The following SYPL1 variants were observed in gnomAD, a reference collection of about 807,000 sequenced individuals.
The protein encoded by SYPL1 is synaptophysin like 1, also known as synaptophysin-like protein 1.
A neutral mutation model predicts 23.7 loss-of-function variants in SYPL1; 6 were observed. That is an observed-to-expected ratio of 0.25 (90% CI 0.14 to 0.50). The LOEUF (loss-of-function observed/expected upper bound fraction) is 0.50, where lower values mean the gene tolerates loss of function less well. SYPL1 is among the 20% of genes least tolerant of loss of function. The pLI, the probability that SYPL1 is intolerant of heterozygous loss-of-function variation, is 0.98. For synonymous variants in SYPL1, 102 were observed against 104.5 expected (o/e 0.98, Z 0.15); for missense variants, 253 against 288.9 (o/e 0.88, Z 0.90).
rs1283644161 is a variant in SYPL1 at position 106,095,435 on chromosome 7, C to T, written c.402+2255G>A. Among the ~76,000 whole-genome samples, 1 of 151,882 alleles carries T rather than the reference C, an allele frequency of 6.6e-6. No individual in the cohort carries two copies. Among genetic ancestry groups the T allele is most frequent in the Non-Finnish European group, 1.5e-5 (1 of 67,980 alleles). Reference sequence around the variant, plus strand: ...TGTGATCTTGGCTCACTGTAACCTCCACCTCCTGGGTTCAAGCGATTCTCC... The same window carrying T: ...TGTGATCTTGGCTCACTGTAACCTCTACCTCCTGGGTTCAAGCGATTCTCC... On this transcript the variant is annotated intron_variant, in intron 3 of 4. Transcript: ENST00000455385. This position sits in a 1 kb window ranked among gnomAD's most constrained non-coding sequence, Gnocchi z 4.3.
intron 1 of SYPL1, among the ~76,000 whole-genome samples, chr7:106,105,947 T>C (rs903215867): frequency 6.6e-6 from 1 of 152,150 alleles, no homozygotes; most frequent in African/African-American, 2.4e-5. Context: ...TTCAAAGAAA[T>C]AGATTGGTAA....
Position 106,100,592 on chromosome 7 carries a change from A to G in SYPL1, c.70-1310T>C, listed in dbSNP as rs1429065802. Among the ~76,000 whole-genome samples, 1 of 152,222 alleles carries G rather than the reference A, an allele frequency of 6.6e-6. No individual in the cohort carries two copies. The highest frequency in any genetic ancestry group is 1.5e-5 in the Non-Finnish European group (1 of 68,042). On this transcript the variant is annotated intron_variant, in intron 1 of 4. Transcript: ENST00000455385. This position sits in a 1 kb window ranked among gnomAD's most constrained non-coding sequence, Gnocchi z 5.1. ...TGCGCTGTTAAAGTCCAGGAGCTCA[A>G]TCTTTCAGCAAGTGGTGATGGCTCT...
At chr7:106,102,096 CT>C (rs564357480) in intron 1 of SYPL1, among the ~76,000 whole-genome samples, 117 of 146,878 alleles carry the variant, frequency 8.0e-4, no homozygotes, top group Middle Eastern at 7.0e-3. Flanking sequence ...AAGATTACAA[CT>C]TTTTTTTTTT....
Position 106,112,270 on chromosome 7 carries a change from C to G in SYPL1, c.-62G>C, listed in dbSNP as rs2116236632. ...GGGGCGGAGGAGGGGACCGACGAGA[C>G]CAGAGCAGCCCGGTGGCGAGGAAGG... On this transcript the variant is annotated 5_prime_UTR_variant, in exon 1 of 5. Transcript: ENST00000455385. 1 of 1,454,416 alleles carries G rather than the reference C, an allele frequency of 6.9e-7. No homozygotes were observed. Among genetic ancestry groups the G allele is most frequent in the Non-Finnish European group, 9.2e-7 (1 of 1,087,922 alleles). The allele number at this position is 1,454,416 out of a possible 1,614,324, so 90.1% of individuals were successfully genotyped here.
chr7:106,097,853 CAT>C lies in SYPL1; in HGVS notation c.237_238del (p.Ile79MetfsTer2). On this transcript the variant is annotated frameshift_variant, in exon 3 of 5. Transcript: ENST00000455385. LOFTEE classifies it high-confidence loss of function. This position sits in a 1 kb window ranked among gnomAD's most constrained non-coding sequence, Gnocchi z 4.6. ...GACGTAATCTTTCCAATTTACATCA[CAT>C]ATGTTTACACCTGGAGGTGGCTGAA... The C allele has an allele frequency of 6.2e-7, 1 of 1,613,838 alleles. No individual in the cohort carries two copies.
chr7:106,091,462 G>T lies in SYPL1; in HGVS notation c.*343C>A. 5.4e-6 allele frequency: 1 copy of T among 186,616 alleles called. No homozygotes were observed. The highest frequency in any genetic ancestry group is 1.1e-5 in the Non-Finnish European group (1 of 89,200). 11.6% of individuals were successfully genotyped at this position (186,616 alleles called of 1,614,324 possible). A position where few individuals can be genotyped will look rare whatever the true frequency, so the allele number is the denominator to read the frequency against. ...AAATAAAGGTTTTTCTTCCTACTAT[G>T]GTATGACAATATAACTGTTTTCTGA... On this transcript the variant is annotated 3_prime_UTR_variant, in exon 5 of 5. Transcript: ENST00000455385. This position sits in a 1 kb window ranked among gnomAD's most constrained non-coding sequence, Gnocchi z 5.0.
At chr7:106,093,160 TTAA>T in intron 3 of SYPL1, 23 bp from the exon 4 acceptor site, 1 of 1,548,506 alleles carries the variant, frequency 6.5e-7, no homozygotes, top group South Asian at 1.2e-5. Context: ...TCAGTAAGAG[TTAA>T]TAATGAACAG....
rs1330417108 is a variant in SYPL1 at position 106,090,795 on chromosome 7, CATTT to C, written c.*1006_*1009del. 1.3e-5 allele frequency: 2 copies of C among 152,238 alleles called. No individual in the cohort carries two copies. Among genetic ancestry groups the C allele is most frequent in the East Asian group, 1.9e-4 (1 of 5,202 alleles). The allele number at this position is 152,238 out of a possible 1,614,324, so 9.4% of individuals were successfully genotyped here. ...TATGATGCATAATTCCTTAATCATT[CATTT>C]GTGAAACAAGAATGAATATTAAGAA... On this transcript the variant is annotated 3_prime_UTR_variant, in exon 5 of 5. Transcript: ENST00000455385.
At chr7:106,111,821 C>T in intron 1 of SYPL1, 1 of 171,196 alleles carries the variant, frequency 5.8e-6, no homozygotes. Context: ...CCTTCCTCTG[C>T]GGGAGGCAGT....
At chr7:106,099,614 G>A (rs996315220) in intron 1 of SYPL1, among the ~76,000 whole-genome samples, 1 of 152,038 alleles carries the variant, frequency 6.6e-6, no homozygotes, top group African/African-American at 2.4e-5. Flanking sequence ...GATTGGGCTT[G>A]AACTCCTGAA....
intron 3 of SYPL1, among the ~76,000 whole-genome samples, chr7:106,093,770 G>A (rs1031467270): frequency 9.4e-6 from 1 of 105,968 alleles, no homozygotes; most frequent in African/African-American, 2.6e-5. Flanking sequence ...TAATAAAATG[G>A]TGAAAAGCAC....
intron 1 of SYPL1, among the ~76,000 whole-genome samples, chr7:106,105,900 C>T (rs1840569848): frequency 6.6e-6 from 1 of 152,158 alleles, no homozygotes; most frequent in Non-Finnish European, 1.5e-5. Flanking sequence ...TTAACCAAAT[C>T]AACCTTCACA....
chr7:106,106,799 T>C (rs968903150), intron 1 of SYPL1, among the ~76,000 whole-genome samples: 1 of 152,094 alleles, frequency 6.6e-6, no homozygotes, highest in Non-Finnish European at 1.5e-5. Context: ...TTAGTTGTGA[T>C]CGTGCCACTG....
intron 1 of SYPL1, among the ~76,000 whole-genome samples, chr7:106,106,684 A>G (rs986574428): frequency 6.6e-5 from 10 of 151,946 alleles, no homozygotes; most frequent in Admixed American, 3.9e-4. Context: ...GTCTCTATAA[A>G]AAATTATAGA....
chr7:106,105,611 C>A (rs1295169973), intron 1 of SYPL1, among the ~76,000 whole-genome samples: 1 of 151,260 alleles, frequency 6.6e-6, no homozygotes, highest in Non-Finnish European at 1.5e-5. Context: ...CCAAAGTAGA[C>A]TGGAGTACCA....
chr7:106,097,791 CAT>C lies in SYPL1; in HGVS notation c.299_300del (p.Tyr100CysfsTer28), dbSNP rs746813430. ...AGGAACACAAAGACTGCAAAGGTAA[CAT>C]AGAATTGTGCAGAAGAAGAGTAATC... ...IGDYSSSAQF[Y>X]VTFAVFVFLY... On this transcript the variant is annotated frameshift_variant, in exon 3 of 5. Transcript: ENST00000455385. LOFTEE classifies it high-confidence loss of function. This position sits in a 1 kb window ranked among gnomAD's most constrained non-coding sequence, Gnocchi z 4.6. 1 of 1,614,012 alleles carries C rather than the reference CAT, an allele frequency of 6.2e-7. No individual in the cohort carries two copies. The highest frequency in any genetic ancestry group is 1.1e-5 in the South Asian group (1 of 91,068).
intron 4 of SYPL1, 147 bp downstream of exon 4, chr7:106,092,802 A>G: frequency 2.8e-6 from 2 of 707,898 alleles, no homozygotes; most frequent in Non-Finnish European, 4.5e-6. Context: ...ACTTTTCTTC[A>G]CTAAACACTA....
At chr7:106,105,834 G>A (rs1348830531) in intron 1 of SYPL1, among the ~76,000 whole-genome samples, 1 of 152,124 alleles carries the variant, frequency 6.6e-6, no homozygotes, top group Non-Finnish European at 1.5e-5. Context: ...TTCACTTTTA[G>A]TGTTCATGCA....
intron 1 of SYPL1, among the ~76,000 whole-genome samples, chr7:106,107,839 G>A (rs1456085372): frequency 6.6e-6 from 1 of 151,550 alleles, no homozygotes; most frequent in Non-Finnish European, 1.5e-5. Flanking sequence ...CCTAATCATT[G>A]TATGTTGAAA....
Sources: allele counts gnomAD v4.1 joint callset (sites outside exome capture counted in the v4.1 genomes callset), GRCh38; gene constraint gnomAD v4.1.1; non-coding constraint Gnocchi (gnomAD v3.1); transcripts MANE v1.5; gene names NCBI Gene and HGNC (gene_info 2026-07-23, HGNC 2026-07-21).